The following ANKS1B variants were observed in gnomAD, a reference collection of about 807,000 sequenced individuals.
The protein encoded by ANKS1B is ankyrin repeat and sterile alpha motif domain-containing protein 1B.
Under a neutral mutation model 148.3 loss-of-function variants are expected in ANKS1B, and 36 were observed. The observed-to-expected ratio is 0.24, with a 90% CI of 0.19 to 0.32. ANKS1B has a LOEUF of 0.32. Among genes scored for constraint, ANKS1B ranks in the 10% least tolerant of loss-of-function variants. The probability of loss-of-function intolerance (pLI) is 1.00; values close to 1 mark genes in which losing one functional copy is unlikely to be tolerated. For missense variants in ANKS1B, 1,157 were observed against 1,542.6 expected, an observed-to-expected ratio of 0.75 and a Z score of 4.19; for synonymous variants, 542 against 560.8, an observed-to-expected ratio of 0.97 and a Z score of 0.47.
chr12:99,659,648 GTGTC>G (rs2098466501), intron 8 of ANKS1B, among the ~76,000 whole-genome samples: 1 of 148,698 alleles, frequency 6.7e-6, no homozygotes, highest in Admixed American at 6.8e-5. Context: ...GTGTGTTTGT[GTGTC>G]TGTGTGTGTG....
At chr12:99,797,433 A>G (rs1247479864) in intron 4 of ANKS1B, among the ~76,000 whole-genome samples, 2 of 151,972 alleles carry the variant, frequency 1.3e-5, no homozygotes, top group African/African-American at 4.8e-5. Context: ...AGAAAGTAGG[A>G]AGTCTACAAA....
At chr12:99,632,752 TA>T (rs1311490729) in intron 9 of ANKS1B, among the ~76,000 whole-genome samples, 12,293 of 112,274 alleles carry the variant, frequency 0.11, 1,644 homozygotes, top group Non-Finnish European at 0.14. Flanking sequence ...TATATATATA[TA>T]TATATATATA....
At position 99,246,554 on chromosome 12, in the gene ANKS1B, T is replaced by C. The variant is rs773584495; in HGVS notation, c.2067A>G (p.Thr689=). 3.1e-6 allele frequency: 5 copies of C among 1,613,800 alleles called. No homozygotes were observed. Among genetic ancestry groups the C allele is most frequent in the Non-Finnish European group, 4.2e-6 (5 of 1,179,884 alleles). The stretch of plus-strand genomic sequence containing the variant: ...TCCGAGATCCACTCCTGGTTGATCT[T>C]GTGCCAACAATGGTATGGTTTTCGA... ...NQLENHTIVG[T]RSTRSGSRNG... Residue 689 remains threonine (T), a synonymous_variant, in exon 13 of 27, where the codon ACA becomes ACG. Transcript: ENST00000683438.
At chr12:98,895,027 C>A (rs941691504) in intron 17 of ANKS1B, 121 of 860,066 alleles carry the variant, frequency 1.4e-4, no homozygotes, top group Non-Finnish European at 1.6e-4. Flanking sequence ...CCCCGAACGC[C>A]GTCTCCAGGG....
intron 15 of ANKS1B, among the ~76,000 whole-genome samples, chr12:99,121,491 T>C (rs9888384): frequency 0.063 from 9,536 of 152,198 alleles, 659 homozygotes; most frequent in African/African-American, 0.17. Flanking sequence ...CTTTTGAGTA[T>C]TTATTTCTGC....
At chr12:99,142,250 C>A (rs533065763) in intron 15 of ANKS1B, among the ~76,000 whole-genome samples, 1 of 151,746 alleles carries the variant, frequency 6.6e-6, no homozygotes, top group Non-Finnish European at 1.5e-5. Flanking sequence ...AATCAAAGGC[C>A]AGAGAAAGAT....
intron 17 of ANKS1B, among the ~76,000 whole-genome samples, chr12:99,001,787 T>A (rs1279269171): frequency 6.6e-6 from 1 of 152,224 alleles, no homozygotes; most frequent in Non-Finnish European, 1.5e-5. Context: ...AAAGTTTACA[T>A]CCTTTGCTCA....
intron 9 of ANKS1B, among the ~76,000 whole-genome samples, chr12:99,574,952 T>C (rs1489929077): frequency 2.0e-5 from 3 of 152,084 alleles, no homozygotes; most frequent in South Asian, 2.1e-4. Context: ...ATAAGAAGTA[T>C]ACACATCAGA....
chr12:99,000,395 A>G (rs1156327634), intron 17 of ANKS1B, among the ~76,000 whole-genome samples: 1 of 149,350 alleles, frequency 6.7e-6, no homozygotes, highest in Non-Finnish European at 1.5e-5. Flanking sequence ...CAGCCTCCTG[A>G]GTAGCTGGGA....
At chr12:99,935,586 C>T (rs1056454385) in intron 1 of ANKS1B, among the ~76,000 whole-genome samples, 4 of 152,078 alleles carry the variant, frequency 2.6e-5, no homozygotes, top group Non-Finnish European at 5.9e-5. Context: ...CAGACACTCA[C>T]CCATTTTCTT....
intron 15 of ANKS1B, among the ~76,000 whole-genome samples, chr12:99,137,446 G>A (rs906884545): frequency 1.3e-5 from 2 of 152,094 alleles, no homozygotes; most frequent in African/African-American, 2.4e-5. Flanking sequence ...TTTCCTCAAA[G>A]TACTTCAAAC....
At chr12:99,439,702 T>C (rs1444836180) in intron 11 of ANKS1B, among the ~76,000 whole-genome samples, 1 of 151,774 alleles carries the variant, frequency 6.6e-6, no homozygotes, top group African/African-American at 2.4e-5. Context: ...CTGGTGACTA[T>C]AAAATGGAAC....
intron 9 of ANKS1B, among the ~76,000 whole-genome samples, chr12:99,607,847 T>C (rs2097862323): frequency 1.3e-5 from 2 of 152,050 alleles, no homozygotes; most frequent in South Asian, 4.2e-4. Flanking sequence ...AGAATGCAAG[T>C]TTTTTCATGT....
At chr12:98,797,337 T>A (rs1341266435) in intron 22 of ANKS1B, among the ~76,000 whole-genome samples, 1 of 150,734 alleles carries the variant, frequency 6.6e-6, no homozygotes, top group East Asian at 1.9e-4. Flanking sequence ...AGTCTCAGAT[T>A]GGCAAGTTAT....
intron 10 of ANKS1B, among the ~76,000 whole-genome samples, chr12:99,447,832 G>A (rs546162314): frequency 1.1e-4 from 17 of 152,020 alleles, no homozygotes; most frequent in Non-Finnish European, 2.2e-4. Context: ...ACAAATGGCC[G>A]ACAGGTATAT....
chr12:99,228,807 GA>G (rs1403879400), intron 14 of ANKS1B, among the ~76,000 whole-genome samples: 1 of 151,746 alleles, frequency 6.6e-6, no homozygotes, highest in Non-Finnish European at 1.5e-5. Context: ...ACTCAAAACT[GA>G]TAAAAAGATG....
intron 3 of ANKS1B, among the ~76,000 whole-genome samples, chr12:99,807,950 T>C (rs896410978): frequency 2.0e-5 from 3 of 152,172 alleles, no homozygotes; most frequent in Admixed American, 2.0e-4. Flanking sequence ...TAAAATTGTC[T>C]ACTTCATGGA....
At chr12:98,941,433 A>G (rs1382192610) in intron 17 of ANKS1B, among the ~76,000 whole-genome samples, 1 of 152,224 alleles carries the variant, frequency 6.6e-6, no homozygotes, top group Non-Finnish European at 1.5e-5. Context: ...TGAGAGCTGA[A>G]ACAAGAAGGA....
At chr12:99,450,381 C>T (rs1319080637) in intron 10 of ANKS1B, among the ~76,000 whole-genome samples, 1 of 152,178 alleles carries the variant, frequency 6.6e-6, no homozygotes, top group East Asian at 1.9e-4. Flanking sequence ...AATGTGTGGG[C>T]ATCTCACGGA....
Sources: gnomAD v4.1 joint callset for allele counts (sites outside exome capture counted in the v4.1 genomes callset) on GRCh38, gnomAD v4.1.1 for gene constraint, MANE v1.5 for transcripts, NCBI Gene and HGNC (gene_info 2026-07-23, HGNC 2026-07-21) for gene names.